FARS2: variants seen among roughly 807,000 people sequenced by gnomAD.
FARS2 encodes the protein phenylalanyl-tRNA synthetase 2, mitochondrial.
A neutral mutation model predicts 46.4 loss-of-function variants in FARS2; 40 were observed. The ratio of observed to expected loss-of-function variants is 0.86; its 90% CI spans 0.67 to 1.12. The LOEUF is 1.12. FARS2 is among the 50% of genes most tolerant of loss of function. The pLI is 0.00. For missense variants in FARS2, 513 were observed against 567.9 expected (o/e 0.90, Z 0.98); for synonymous variants, 234 against 214.9 (o/e 1.09, Z -0.78).
chr6:5,350,949 A>G (rs952450546), intron 1 of FARS2, among the ~76,000 whole-genome samples: 2 of 152,240 alleles, frequency 1.3e-5, no homozygotes, highest in Non-Finnish European at 2.9e-5. Context: ...TTAGTCATTT[A>G]CATACTCATC....
At chr6:5,557,445 G>A (rs998422449) in intron 5 of FARS2, among the ~76,000 whole-genome samples, 5 of 152,064 alleles carry the variant, frequency 3.3e-5, no homozygotes, top group African/African-American at 1.2e-4. Flanking sequence ...AGTTTTTCTG[G>A]GAGACCTCAG....
intron 4 of FARS2, among the ~76,000 whole-genome samples, chr6:5,478,052 G>A (rs1293546041): frequency 1.4e-5 from 2 of 146,864 alleles, no homozygotes; most frequent in African/African-American, 5.1e-5. Flanking sequence ...AAACAAACCA[G>A]TAACAATGAC....
At chr6:5,406,520 T>C (rs1761605801) in intron 3 of FARS2, among the ~76,000 whole-genome samples, 3 of 152,248 alleles carry the variant, frequency 2.0e-5, no homozygotes, top group Admixed American at 2.0e-4. Flanking sequence ...TTTATATAAA[T>C]GGAATCTTAG....
rs1376697494 is a variant in FARS2 at position 5,453,502 on chromosome 6, G to A, written c.904+22330G>A. Among the ~76,000 whole-genome samples, 6 of 152,158 alleles carry A rather than the reference G, an allele frequency of 3.9e-5. No individual in the cohort carries two copies. The East Asian group carries it at 9.6e-4, about 24-fold the overall frequency. ...AAAAATTTCCCCTCATCTATGAGGC[G>A]GAATGTGTTCCAAACAGTTGAATTT... On this transcript the variant is annotated intron_variant, in intron 4 of 6. Transcript: ENST00000274680.
chr6:5,597,328 T>C (rs1388754035), intron 5 of FARS2, among the ~76,000 whole-genome samples: 2 of 152,182 alleles, frequency 1.3e-5, no homozygotes, highest in Admixed American at 6.6e-5. Flanking sequence ...GGGCCATGTT[T>C]GCCAAGACAG....
intron 5 of FARS2, among the ~76,000 whole-genome samples, chr6:5,591,145 C>T (rs1038846006): frequency 1.3e-5 from 2 of 152,164 alleles, no homozygotes; most frequent in African/African-American, 4.8e-5. Flanking sequence ...GCCATTGAAT[C>T]TTAGATAAGA....
intron 1 of FARS2, among the ~76,000 whole-genome samples, chr6:5,290,277 C>T (rs1767412173): frequency 6.6e-6 from 1 of 152,156 alleles, no homozygotes; most frequent in Admixed American, 6.5e-5. Context: ...ACAACTCATG[C>T]TTCCTGATAC....
chr6:5,372,346 A>G (rs1305187480), intron 2 of FARS2, among the ~76,000 whole-genome samples: 1 of 152,168 alleles, frequency 6.6e-6, no homozygotes, highest in African/African-American at 2.4e-5. Flanking sequence ...ATACACACAT[A>G]CACAATTATA....
At chr6:5,654,721 A>G (rs1432714229) in intron 6 of FARS2, among the ~76,000 whole-genome samples, 5 of 152,070 alleles carry the variant, frequency 3.3e-5, no homozygotes, top group Non-Finnish European at 7.4e-5. Context: ...CCTGTCAGGA[A>G]GTGGTTCTCT....
At chr6:5,481,811 C>CT in intron 4 of FARS2, among the ~76,000 whole-genome samples, 1 of 9,762 alleles carries the variant, frequency 1.0e-4, no homozygotes, top group African/African-American at 4.5e-4. Flanking sequence ...GTTAAAAAGA[C>CT]CCCCCTTGCT....
At chr6:5,690,043 T>C (rs1239048525) in intron 6 of FARS2, among the ~76,000 whole-genome samples, 1 of 152,240 alleles carries the variant, frequency 6.6e-6, no homozygotes, top group African/African-American at 2.4e-5. Flanking sequence ...TTATTTTCCA[T>C]GTGCTTGGTA....
intron 1 of FARS2, among the ~76,000 whole-genome samples, chr6:5,282,027 C>T (rs1452053662): frequency 6.6e-6 from 1 of 152,188 alleles, no homozygotes; most frequent in Non-Finnish European, 1.5e-5. Context: ...CAAAAAGAAT[C>T]AGTAACTGTT....
chr6:5,766,492 A>C (rs1762756925), intron 6 of FARS2, among the ~76,000 whole-genome samples: 1 of 152,260 alleles, frequency 6.6e-6, no homozygotes, highest in Admixed American at 6.5e-5. Context: ...GCAGAGCCAG[A>C]GAGGAGCATG....
chr6:5,510,401 C>A (rs539505313), intron 4 of FARS2, among the ~76,000 whole-genome samples: 2 of 151,008 alleles, frequency 1.3e-5, no homozygotes, highest in Non-Finnish European at 3.0e-5. Flanking sequence ...AACAGAACTG[C>A]GGAGCTGAAG....
At chr6:5,637,793 C>T (rs1450738010) in intron 6 of FARS2, among the ~76,000 whole-genome samples, 1 of 152,152 alleles carries the variant, frequency 6.6e-6, no homozygotes, top group East Asian at 1.9e-4. Flanking sequence ...TCCCTGTATC[C>T]TCACATGATC....
intron 4 of FARS2, among the ~76,000 whole-genome samples, chr6:5,509,101 T>C (rs1007392233): frequency 6.6e-6 from 1 of 152,228 alleles, no homozygotes; most frequent in African/African-American, 2.4e-5. Flanking sequence ...CACCATAGTT[T>C]GCCAATCCCT....
intron 4 of FARS2, among the ~76,000 whole-genome samples, chr6:5,492,182 G>GT (rs1561659936): frequency 6.6e-6 from 1 of 152,196 alleles, no homozygotes. Flanking sequence ...AGTAGTAGTA[G>GT]TTTAAGTTTC....
chr6:5,517,563 G>T (rs1190779152), intron 4 of FARS2, among the ~76,000 whole-genome samples: 1 of 150,752 alleles, frequency 6.6e-6, no homozygotes, highest in Non-Finnish European at 1.5e-5. Flanking sequence ...AGGGAGCCAA[G>T]ATCACACCAC....
intron 4 of FARS2, among the ~76,000 whole-genome samples, chr6:5,462,307 A>G (rs1197192810): frequency 2.0e-5 from 3 of 152,036 alleles, no homozygotes; most frequent in South Asian, 2.1e-4. Context: ...GATCTTTATT[A>G]TATGTATGAT....
Sources: gnomAD v4.1 joint callset for allele counts (sites outside exome capture counted in the v4.1 genomes callset) on GRCh38, gnomAD v4.1.1 for gene constraint, MANE v1.5 for transcripts, NCBI Gene and HGNC (gene_info 2026-07-23, HGNC 2026-07-21) for gene names.